The following MRM3 variants were observed in gnomAD, a reference collection of about 807,000 sequenced individuals.
MRM3 encodes the protein rRNA methyltransferase 3, mitochondrial.
A neutral mutation model predicts 29.4 loss-of-function variants in MRM3; 26 were observed. That is an observed-to-expected ratio of 0.89 (90% confidence interval 0.65 to 1.23). The LOEUF is 1.23. MRM3 is among the 50% of genes most tolerant of loss of function. The pLI, the probability that MRM3 is intolerant of heterozygous loss-of-function variation, is 0.00. For synonymous variants in MRM3, 225 were observed against 219.0 expected, an observed-to-expected ratio of 1.03 and a Z score of -0.24; for missense variants, 578 against 540.2, an observed-to-expected ratio of 1.07 and a Z score of -0.69.
intron 2 of MRM3, among the ~76,000 whole-genome samples, chr17:786,454 T>G (rs1910539011): frequency 6.6e-6 from 1 of 152,158 alleles, no homozygotes. Flanking sequence ...TTTTGTTATT[T>G]TTAGTAGAGA....
intron 2 of MRM3, among the ~76,000 whole-genome samples, chr17:786,652 G>A (rs912514051): frequency 2.0e-5 from 3 of 151,732 alleles, no homozygotes; most frequent in Admixed American, 2.0e-4. Context: ...CTTGTGATCC[G>A]CCCACCTCAG....
chr17:786,028 A>G (rs1910515487), intron 2 of MRM3, among the ~76,000 whole-genome samples: 1 of 152,224 alleles, frequency 6.6e-6, no homozygotes, highest in South Asian at 2.1e-4. Flanking sequence ...TGTTTTTTCT[A>G]TCACATTGGG....
chr17:790,369 T>C (rs2071136418), intron 3 of MRM3: 1 of 156,828 alleles, frequency 6.4e-6, no homozygotes, highest in African/African-American at 2.4e-5. Flanking sequence ...GATCTGATTC[T>C]GTCACTGCTT....
At chr17:784,911 T>C (rs1910464505) in intron 2 of MRM3, among the ~76,000 whole-genome samples, 2 of 152,216 alleles carry the variant, frequency 1.3e-5, no homozygotes, top group Non-Finnish European at 2.9e-5. Flanking sequence ...TTCCATTGCC[T>C]TCAGTGGTGG....
intron 3 of MRM3, chr17:789,835 AAGGT>A (rs1192507536): frequency 6.6e-6 from 1 of 152,242 alleles, no homozygotes; most frequent in African/African-American, 2.4e-5. Flanking sequence ...ATAGGGAAAG[AAGGT>A]AGGAAATACT....
chr17:785,519 A>G (rs761375028), intron 2 of MRM3, among the ~76,000 whole-genome samples: 3 of 152,170 alleles, frequency 2.0e-5, no homozygotes, highest in Non-Finnish European at 2.9e-5. Context: ...CCCAGACCCC[A>G]TTTTACTCCT....
rs536846675 is a variant in MRM3 at position 787,378 on chromosome 17, T to G, written c.560-587T>G. Among the ~76,000 whole-genome samples, 6 of 152,322 alleles carry G rather than the reference T, an allele frequency of 3.9e-5. No homozygotes were observed. The South Asian group carries it at 1.0e-3, about 26-fold the overall frequency. On this transcript the variant is annotated intron_variant, in intron 2 of 3. Coordinates refer to ENST00000304478, the MANE Select transcript of MRM3 (RefSeq NM_018146.4). This position sits in a 1 kb window ranked among gnomAD's most constrained non-coding sequence, Gnocchi z 4.1. ...GAATAATACAGAGTATGACACGGAA[T>G]GTAAAACACATTTACATATGGACAG...
At chr17:788,296 G>A in intron 3 of MRM3, 164 bp downstream of exon 3, 1 of 639,702 alleles carries the variant, frequency 1.6e-6, no homozygotes, top group Non-Finnish European at 2.6e-6. Flanking sequence ...GGTGTGGTGG[G>A]GTGTGCCTGT....
chr17:786,858 T>C (rs1567799690), intron 2 of MRM3, among the ~76,000 whole-genome samples: 1 of 152,212 alleles, frequency 6.6e-6, no homozygotes, highest in Non-Finnish European at 1.5e-5. Context: ...CCTACAGGGA[T>C]ACCCATTGCA....
rs1290439139 is a variant in MRM3 at position 783,255 on chromosome 17, G to A, written c.487G>A (p.Val163Ile). 6.2e-7 allele frequency: 1 copy of A among 1,613,976 alleles called. No individual in the cohort carries two copies. The highest frequency in any genetic ancestry group is 8.5e-7 in the Non-Finnish European group (1 of 1,179,956). ...KELPVDKLKG[V>I]SLIKVKFEDI... The stretch of plus-strand genomic sequence containing the variant: ...GTTGCCAGTCGATAAGCTGAAAGGT[G>A]TCAGCCTCATTAAGGTGAAATTTGA... Residue 163 changes from valine to isoleucine, a missense_variant, in exon 2 of 4, where the codon GTC (valine) becomes ATC (isoleucine). Coordinates refer to ENST00000304478, the MANE Select transcript of MRM3 (RefSeq NM_018146.4).
chr17:783,856 A>G (rs1277964950), intron 2 of MRM3, among the ~76,000 whole-genome samples: 3 of 152,140 alleles, frequency 2.0e-5, no homozygotes, highest in African/African-American at 7.2e-5. Flanking sequence ...TATTCCTCAA[A>G]CCTTCTATTT....
At chr17:791,467 C>A in intron 3 of MRM3, 67 bp from the exon 4 acceptor site, 1 of 1,515,922 alleles carries the variant, frequency 6.6e-7, no homozygotes, top group Non-Finnish European at 8.9e-7. Context: ...ATTGATCAGA[C>A]TTACTCCACA....
At position 788,118 on chromosome 17, in the gene MRM3, T is replaced by A. The variant is rs1353024528; in HGVS notation, c.713T>A (p.Val238Glu). The A allele has an allele frequency of 6.2e-7, 1 of 1,613,978 alleles. No individual in the cohort carries two copies. Among genetic ancestry groups the A allele is most frequent in the Non-Finnish European group, 8.5e-7 (1 of 1,180,016 alleles). Residue 238 changes from valine to glutamate, a missense_variant, in exon 3 of 4, where the codon GTG becomes GAG. Physicochemically the swap from Val to Glu is moderately radical, Grantham distance 121. Coordinates refer to ENST00000304478, the MANE Select transcript of MRM3 (RefSeq NM_018146.4). ...RSAAGAGCSK[V>E]LLTKGCVDAW... ...GCAGCTGGGGCAGGCTGCAGCAAAG[T>A]GTTACTCACCAAAGGTAAGGACATC...
rs1910850282 is a variant in MRM3 at position 791,955 on chromosome 17, G to C, written c.1149G>C (p.Val383=). 6.2e-7 allele frequency: 1 copy of C among 1,613,962 alleles called. No homozygotes were observed. Among genetic ancestry groups the C allele is most frequent in the Non-Finnish European group, 8.5e-7 (1 of 1,180,052 alleles). The stretch of plus-strand genomic sequence containing the variant: ...GCAAGAGGCTGCTGATCCCCGTTGT[G>C]CCTGGTGTGGACAGCCTCAACTCGG... The part of the protein sequence containing the change: ...TGGKRLLIPV[V]PGVDSLNSAM... The change falls in exon 4 of 4, where the codon GTG becomes GTC. Residue 383 remains valine (V), a synonymous_variant. Coordinates refer to ENST00000304478, the MANE Select transcript of MRM3 (RefSeq NM_018146.4).
At chr17:782,983 C>G in intron 1 of MRM3, 100 bp from the exon 2 acceptor site, 2 of 1,476,276 alleles carry the variant, frequency 1.4e-6, no homozygotes, top group African/African-American at 1.4e-5. Flanking sequence ...CCACCGCGCC[C>G]GGCCCTCTCC....
rs941118389 is a variant in MRM3 at position 792,246 on chromosome 17, C to G, written c.*177C>G. The G allele has an allele frequency of 3.4e-6, 2 of 595,204 alleles. No individual in the cohort carries two copies. The highest frequency in any genetic ancestry group is 6.0e-5 in the East Asian group (2 of 33,518). 36.9% of individuals were successfully genotyped at this position (595,204 alleles called of 1,614,324 possible). ...TCAGAAAGAACAGGTCCGAATTCTT[C>G]CTGTCGCGTCACTGATTTTGAGGTT... On this transcript the variant is annotated 3_prime_UTR_variant, in exon 4 of 4. Transcript: ENST00000304478.
chr17:790,673 C>T (rs561801812), intron 3 of MRM3: 1 of 61,356 alleles, frequency 1.6e-5, no homozygotes, highest in Non-Finnish European at 3.1e-5. Flanking sequence ...CACCCCCACC[C>T]GCTGATTGGC....
intron 3 of MRM3, among the ~76,000 whole-genome samples, chr17:788,998 TG>T (rs1228850483): frequency 6.6e-6 from 1 of 152,230 alleles, no homozygotes; most frequent in Non-Finnish European, 1.5e-5. Context: ...TTAAAAATTA[TG>T]TTTTTTGTAG....
intron 3 of MRM3, 107 bp from the exon 4 acceptor site, chr17:791,427 T>G: frequency 8.6e-7 from 1 of 1,161,134 alleles, no homozygotes; most frequent in South Asian, 1.6e-5. Flanking sequence ...AAAGCTATCA[T>G]AGAAGAACTG....
Sources: gnomAD v4.1 joint callset for allele counts (sites outside exome capture counted in the v4.1 genomes callset) on GRCh38, gnomAD v4.1.1 for gene constraint, Gnocchi (gnomAD v3.1) non-coding constraint, MANE v1.5 for transcripts, NCBI Gene and HGNC (gene_info 2026-07-23, HGNC 2026-07-21) for gene names.